CTNNA2: variants seen among roughly 807,000 people sequenced by gnomAD.
The protein encoded by CTNNA2 is catenin alpha-2.
A neutral mutation model predicts 101.0 loss-of-function variants in CTNNA2; 42 were observed. The ratio of observed to expected loss-of-function variants is 0.42; its 90% CI spans 0.32 to 0.54. The LOEUF is 0.54. Among genes scored for constraint, CTNNA2 ranks in the 20% least tolerant of loss-of-function variants. CTNNA2 has a pLI of 0.14. For missense variants in CTNNA2, 871 were observed against 1,223.1 expected, an observed-to-expected ratio of 0.71 and a Z score of 4.29; for synonymous variants, 450 against 456.4, an observed-to-expected ratio of 0.99 and a Z score of 0.18.
rs186162442 is a variant in CTNNA2 at position 79,581,188 on chromosome 2, G to T, written c.-6+67981G>T. Among the ~76,000 whole-genome samples the T allele has an allele frequency of 3.3e-5, 5 of 152,280 alleles. No homozygotes were observed. The East Asian group carries it at 7.7e-4, about 24-fold the overall frequency. ...GAAGGATCAAATATATGGTCCTGTG[G>T]TTATTCTTAACATTATGCTGGTGAA... is the stretch of plus-strand genomic sequence containing the variant. On this transcript the variant is annotated intron_variant, in intron 1 of 18. Coordinates refer to ENST00000402739, the MANE Select transcript of CTNNA2 (RefSeq NM_001282597.3).
chr2:79,982,852 TTCCTC>T (rs1301953328), intron 7 of CTNNA2, among the ~76,000 whole-genome samples: 1 of 152,150 alleles, frequency 6.6e-6, no homozygotes, highest in Non-Finnish European at 1.5e-5. Context: ...AAAACTCACT[TTCCTC>T]TATCTCTCTT....
chr2:80,079,885 T>TAAAATAAAATAAAATAAAATAAA lies in CTNNA2; in HGVS notation c.1056+170101_1056+170102insATAAAATAAAAAAATAAAATAAA, dbSNP rs1558788197. ...AATAAAATAAAATAAAATAAAATAATAAAATAAAATAAATAAAATAAAATA... is the reference window on the plus strand; with the variant it reads ...AATAAAATAAAATAAAATAAAATAATAAAATAAAATAAAATAAAATAAAAAAATAAAATAAATAAAATAAAATA... On this transcript the variant is annotated intron_variant, in intron 7 of 18. Transcript: ENST00000402739. Among the ~76,000 whole-genome samples the TAAAATAAAATAAAATAAAATAAA allele has an allele frequency of 3.1e-4, 40 of 127,556 alleles. 1 individual carries two copies. The highest frequency in any genetic ancestry group is 1.2e-3 in the African/African-American group (37 of 29,886). 83.7% of individuals were successfully genotyped at this position (127,556 alleles called of 152,430 possible).
At chr2:79,930,359 T>C (rs2974148) in intron 7 of CTNNA2, among the ~76,000 whole-genome samples, 52,464 of 104,672 alleles carry the variant, frequency 0.5, 10,257 homozygotes, top group Admixed American at 0.64. Flanking sequence ...AAAGAAAGAA[T>C]GAACACGGGT....
At chr2:79,954,810 C>A (rs776283990) in intron 7 of CTNNA2, among the ~76,000 whole-genome samples, 2 of 151,980 alleles carry the variant, frequency 1.3e-5, no homozygotes, top group Admixed American at 6.6e-5. Context: ...GGGTTTTTTT[C>A]TTTTCAATAT....
intron 4 of CTNNA2, among the ~76,000 whole-genome samples, chr2:79,386,777 A>G (rs931983728): frequency 8.0e-4 from 122 of 152,358 alleles, no homozygotes; most frequent in African/African-American, 2.8e-3. Flanking sequence ...AACTTATTTA[A>G]CAATTCATTG....
At chr2:79,579,556 A>G (rs1676019005) in intron 1 of CTNNA2, among the ~76,000 whole-genome samples, 1 of 152,148 alleles carries the variant, frequency 6.6e-6, no homozygotes, top group African/African-American at 2.4e-5. Context: ...CTTGGGGTGC[A>G]GGACAGTATG....
At chr2:79,279,540 C>T (rs1024030194) in intron 2 of CTNNA2, among the ~76,000 whole-genome samples, 3 of 152,096 alleles carry the variant, frequency 2.0e-5, no homozygotes, top group African/African-American at 7.2e-5. Context: ...ACCTCCATGA[C>T]CACAACAGAA....
At chr2:79,982,902 C>T (rs963029663) in intron 7 of CTNNA2, among the ~76,000 whole-genome samples, 1 of 152,086 alleles carries the variant, frequency 6.6e-6, no homozygotes, top group Non-Finnish European at 1.5e-5. Flanking sequence ...GAATAACTCT[C>T]TCTCTCTTGA....
At chr2:80,637,711 C>A (rs764305453) in intron 18 of CTNNA2, among the ~76,000 whole-genome samples, 2 of 152,044 alleles carry the variant, frequency 1.3e-5, no homozygotes, top group Non-Finnish European at 2.9e-5. Flanking sequence ...ATGAATAATG[C>A]CACATTAGAA....
intron 16 of CTNNA2, among the ~76,000 whole-genome samples, chr2:80,604,445 AAGAG>A (rs1200371890): frequency 6.6e-6 from 1 of 151,916 alleles, no homozygotes; most frequent in East Asian, 1.9e-4. Context: ...TCAGCCCCTG[AAGAG>A]TCACGGATTG....
chr2:79,216,910 G>T (rs922699870), intron 2 of CTNNA2, among the ~76,000 whole-genome samples: 3 of 152,266 alleles, frequency 2.0e-5, no homozygotes, highest in Admixed American at 2.0e-4. Flanking sequence ...CCTCTGAAAC[G>T]TGGGTAAATA....
intron 4 of CTNNA2, among the ~76,000 whole-genome samples, chr2:79,387,514 A>G (rs1678118397): frequency 6.6e-6 from 1 of 152,198 alleles, no homozygotes. Context: ...GACATTTGGA[A>G]AATGGATCTA....
At chr2:80,000,401 G>C (rs1396899069) in intron 7 of CTNNA2, among the ~76,000 whole-genome samples, 1 of 152,162 alleles carries the variant, frequency 6.6e-6, no homozygotes. Flanking sequence ...GGGGGAGTGG[G>C]AGATGATGAA....
chr2:80,247,050 C>T (rs930108001), intron 7 of CTNNA2, among the ~76,000 whole-genome samples: 1 of 152,162 alleles, frequency 6.6e-6, no homozygotes, highest in Non-Finnish European at 1.5e-5. Flanking sequence ...GAGTTTTATA[C>T]TGTGCCCAGC....
chr2:80,310,086 A>C (rs1159788216), intron 7 of CTNNA2, among the ~76,000 whole-genome samples: 1 of 152,150 alleles, frequency 6.6e-6, no homozygotes, highest in East Asian at 1.9e-4. Flanking sequence ...CATTATTGGA[A>C]CATTCACAAA....
At chr2:79,604,626 T>C (rs556854638) in intron 1 of CTNNA2, among the ~76,000 whole-genome samples, 1 of 152,286 alleles carries the variant, frequency 6.6e-6, no homozygotes, top group African/African-American at 2.4e-5. Context: ...TGTGTACATG[T>C]GAGGAAGAGA....
intron 2 of CTNNA2, among the ~76,000 whole-genome samples, chr2:79,662,454 A>G (rs1461905473): frequency 6.6e-6 from 1 of 152,186 alleles, no homozygotes; most frequent in Non-Finnish European, 1.5e-5. Flanking sequence ...AATCTTATGC[A>G]TGCTAATTCA....
chr2:80,311,556 T>C (rs1206724932), intron 7 of CTNNA2, among the ~76,000 whole-genome samples: 1 of 152,256 alleles, frequency 6.6e-6, no homozygotes, highest in Non-Finnish European at 1.5e-5. Flanking sequence ...AGATTCCTTC[T>C]GGGAGTTTAC....
At chr2:79,857,247 A>C (rs938871369) in intron 3 of CTNNA2, among the ~76,000 whole-genome samples, 1 of 152,214 alleles carries the variant, frequency 6.6e-6, no homozygotes, top group Non-Finnish European at 1.5e-5. Flanking sequence ...ATAAATGAGC[A>C]AATACCTCTC....
Sources: allele counts gnomAD v4.1 joint callset (sites outside exome capture counted in the v4.1 genomes callset), GRCh38; gene constraint gnomAD v4.1.1; transcripts MANE v1.5; gene names NCBI Gene and HGNC (gene_info 2026-07-23, HGNC 2026-07-21).